KIAA0825: variants seen among roughly 807,000 people sequenced by gnomAD.
The protein encoded by KIAA0825 is uncharacterized protein KIAA0825.
In KIAA0825, 119 loss-of-function variants were observed where a neutral mutation model predicts 147.6. That is an observed-to-expected ratio of 0.81 (90% confidence interval 0.69 to 0.94). The LOEUF (loss-of-function observed/expected upper bound fraction) is 0.94. KIAA0825 is among the 40% of genes least tolerant of loss of function. The pLI is 0.00. For missense variants in KIAA0825, 1,381 were observed against 1,472.7 expected (o/e 0.94, Z 1.02); for synonymous variants, 470 against 518.1 (o/e 0.91, Z 1.26).
At chr5:94,482,831 A>G (rs941688913) in intron 6 of KIAA0825, among the ~76,000 whole-genome samples, 5 of 152,048 alleles carry the variant, frequency 3.3e-5, no homozygotes, top group African/African-American at 1.2e-4. Flanking sequence ...GACACTTCTT[A>G]TACTTGCCCC....
chr5:94,484,995 A>G (rs1472783559), intron 5 of KIAA0825, 65 bp from the exon 6 acceptor site: 14 of 1,138,030 alleles, frequency 1.2e-5, no homozygotes, highest in Non-Finnish European at 1.6e-5. Context: ...TATTAGAATG[A>G]TCTGTGTGAT....
intron 10 of KIAA0825, among the ~76,000 whole-genome samples, chr5:94,467,083 A>C (rs1760642473): frequency 6.6e-6 from 1 of 152,228 alleles, no homozygotes; most frequent in Non-Finnish European, 1.5e-5. Context: ...TGAGAAAATA[A>C]AAGTAACTTT....
In KIAA0825 at chr5:94,552,372, T is replaced by A. The variant is rs549019649; in HGVS notation, c.-1-15245A>T. On this transcript the variant is annotated intron_variant, in intron 2 of 20. Coordinates refer to ENST00000682413, the MANE Select transcript of KIAA0825 (RefSeq NM_001145678.3). ...CTGGAAAGATCATCTAGACAGAAAA[T>A]CAACAAAGAAACATTGGATTTAAAC... 5.3e-5 allele frequency among the ~76,000 whole-genome samples: 8 copies of A among 152,044 alleles called. No homozygotes were observed. The South Asian group carries it at 1.4e-3, about 28-fold the overall frequency.
At chr5:94,505,087 C>T (rs1228386331) in intron 5 of KIAA0825, among the ~76,000 whole-genome samples, 1 of 151,714 alleles carries the variant, frequency 6.6e-6, no homozygotes, top group Non-Finnish European at 1.5e-5. Context: ...AGGCCAGGCA[C>T]GGAGGCTCAC....
At chr5:94,429,096 G>A (rs1226014357) in intron 14 of KIAA0825, among the ~76,000 whole-genome samples, 2 of 152,010 alleles carry the variant, frequency 1.3e-5, no homozygotes, top group Non-Finnish European at 2.9e-5. Context: ...TTCCTGGATT[G>A]CTTTAGAAGT....
intron 20 of KIAA0825, among the ~76,000 whole-genome samples, chr5:94,161,294 C>A (rs1716419437): frequency 6.6e-6 from 1 of 152,170 alleles, no homozygotes; most frequent in Admixed American, 6.5e-5. Context: ...GCTGCTACTA[C>A]CTCCCCTAGG....
At chr5:94,516,477 A>T (rs1435838909) in intron 5 of KIAA0825, among the ~76,000 whole-genome samples, 1 of 152,248 alleles carries the variant, frequency 6.6e-6, no homozygotes, top group Non-Finnish European at 1.5e-5. Flanking sequence ...ACACTGAATC[A>T]GTGTAGAAGA....
chr5:94,555,496 C>A (rs943241232), intron 2 of KIAA0825, among the ~76,000 whole-genome samples: 2 of 151,886 alleles, frequency 1.3e-5, no homozygotes, highest in Non-Finnish European at 2.9e-5. Context: ...ATTAAAATTC[C>A]TCCATTTAAA....
intron 20 of KIAA0825, among the ~76,000 whole-genome samples, chr5:94,315,350 CTT>C (rs761532865): frequency 1.3e-5 from 2 of 151,484 alleles, no homozygotes; most frequent in Non-Finnish European, 3.0e-5. Flanking sequence ...TAGAGGTAAA[CTT>C]ATTATTTTTT....
At chr5:94,510,433 C>T (rs1766321773) in intron 5 of KIAA0825, among the ~76,000 whole-genome samples, 2 of 152,294 alleles carry the variant, frequency 1.3e-5, no homozygotes, top group South Asian at 2.1e-4. Flanking sequence ...AAATAATAGA[C>T]AAGGGCTTCC....
intron 20 of KIAA0825, among the ~76,000 whole-genome samples, chr5:94,242,607 CT>C (rs1346161083): frequency 6.9e-6 from 1 of 145,094 alleles, no homozygotes; most frequent in African/African-American, 2.6e-5. Context: ...TCCTTTCTTC[CT>C]TCCTTCCTTC....
At chr5:94,276,721 T>C (rs911292157) in intron 20 of KIAA0825, among the ~76,000 whole-genome samples, 2 of 152,116 alleles carry the variant, frequency 1.3e-5, no homozygotes, top group Non-Finnish European at 2.9e-5. Flanking sequence ...CTTAATTATT[T>C]AATTATTAAA....
chr5:94,367,607 T>C (rs1261606256), intron 20 of KIAA0825, among the ~76,000 whole-genome samples: 1 of 152,212 alleles, frequency 6.6e-6, no homozygotes, highest in Non-Finnish European at 1.5e-5. Flanking sequence ...TGGAGGTACT[T>C]GGTGAATGAC....
At chr5:94,171,711 C>T (rs1045444891) in intron 20 of KIAA0825, among the ~76,000 whole-genome samples, 4 of 151,970 alleles carry the variant, frequency 2.6e-5, no homozygotes, top group Non-Finnish European at 5.9e-5. Flanking sequence ...ATTAATACCT[C>T]CATAATTAAG....
chr5:94,361,437 C>T (rs1292005495), intron 20 of KIAA0825, among the ~76,000 whole-genome samples: 3 of 152,102 alleles, frequency 2.0e-5, no homozygotes, highest in Admixed American at 1.3e-4. Context: ...AAATGAAAAA[C>T]ATATTAGCAA....
At chr5:94,368,526 A>G (rs1746195688) in intron 20 of KIAA0825, among the ~76,000 whole-genome samples, 2 of 152,204 alleles carry the variant, frequency 1.3e-5, no homozygotes, top group Non-Finnish European at 2.9e-5. Flanking sequence ...AGAGAAACCA[A>G]GTTAATCCAG....
intron 20 of KIAA0825, among the ~76,000 whole-genome samples, chr5:94,308,658 G>A (rs1778897725): frequency 6.6e-6 from 1 of 151,752 alleles, no homozygotes; most frequent in African/African-American, 2.4e-5. Context: ...AATAAATAGA[G>A]TGAGTATCTG....
intron 3 of KIAA0825, among the ~76,000 whole-genome samples, chr5:94,528,997 C>A (rs535800902): frequency 6.6e-6 from 1 of 151,276 alleles, no homozygotes; most frequent in Non-Finnish European, 1.5e-5. Context: ...GGAGAATGTA[C>A]GTAATAATGG....
intron 20 of KIAA0825, among the ~76,000 whole-genome samples, chr5:94,280,608 TC>T (rs567423903): frequency 6.7e-4 from 102 of 152,174 alleles, no homozygotes; most frequent in African/African-American, 2.4e-3. Flanking sequence ...CCTGGTATAA[TC>T]TCCTTATGTG....
Sources: allele counts gnomAD v4.1 joint callset (sites outside exome capture counted in the v4.1 genomes callset), GRCh38; gene constraint gnomAD v4.1.1; transcripts MANE v1.5; gene names NCBI Gene and HGNC (gene_info 2026-07-23, HGNC 2026-07-21).